The following FER variants were observed in gnomAD, a reference collection of about 807,000 sequenced individuals.
The protein encoded by FER is tyrosine-protein kinase Fer.
A neutral mutation model predicts 111.0 loss-of-function variants in FER; 63 were observed. The observed-to-expected ratio is 0.57, with a 90% CI of 0.46 to 0.70. The LOEUF is 0.70. Ranked by LOEUF, FER falls within the 30% of genes least tolerant of loss-of-function variation. The probability of loss-of-function intolerance (pLI) is 0.00; values close to 1 mark genes in which losing one functional copy is unlikely to be tolerated. For missense variants in FER, 914 were observed against 954.0 expected (o/e 0.96, Z 0.55); for synonymous variants, 327 against 313.9 (o/e 1.04, Z -0.44).
chr5:108,954,881 T>C lies in FER; in HGVS notation c.1482T>C (p.Leu494=), dbSNP rs1758235258. ...ESHGKPGEYV[L]SVYSDGQRRH... is the part of the protein sequence containing the mutation. ...ATGGGAAACCTGGTGAATATGTCCT[T>C]TCTGTATATTCTGATGGACAGAGGA... The change falls in exon 12 of 20, where the codon CTT becomes CTC. Residue 494 remains leucine (L), a synonymous_variant. Transcript: ENST00000281092. 6.2e-7 allele frequency: 1 copy of C among 1,611,120 alleles called. No individual in the cohort carries two copies. The highest frequency in any genetic ancestry group is 8.5e-7 in the Non-Finnish European group (1 of 1,178,884).
At chr5:109,172,827 G>T (rs1757286615) in intron 17 of FER, among the ~76,000 whole-genome samples, 1 of 151,980 alleles carries the variant, frequency 6.6e-6, no homozygotes. Context: ...TCACAATGTG[G>T]CCCACAGGTG....
At chr5:109,184,355 C>T (rs1182146599) in intron 18 of FER, among the ~76,000 whole-genome samples, 2 of 152,138 alleles carry the variant, frequency 1.3e-5, no homozygotes, top group African/African-American at 4.8e-5. Flanking sequence ...GACCTTTTCC[C>T]TATAGAGTAT....
At chr5:109,064,803 A>C (rs1774883056) in intron 16 of FER, among the ~76,000 whole-genome samples, 1 of 152,210 alleles carries the variant, frequency 6.6e-6, no homozygotes, top group Non-Finnish European at 1.5e-5. Context: ...TTGAAAGTGT[A>C]GGAGTTATGA....
intron 16 of FER, among the ~76,000 whole-genome samples, chr5:109,049,850 A>C (rs1388311488): frequency 6.6e-6 from 1 of 152,240 alleles, no homozygotes; most frequent in South Asian, 2.1e-4. Context: ...TATAGTTCAA[A>C]TAAATTAGTT....
At chr5:109,159,288 C>A (rs1755740462) in intron 17 of FER, among the ~76,000 whole-genome samples, 1 of 152,120 alleles carries the variant, frequency 6.6e-6, no homozygotes, top group South Asian at 2.1e-4. Context: ...CTTAGTCTTT[C>A]CTTCACAGAT....
intron 17 of FER, among the ~76,000 whole-genome samples, chr5:109,163,943 T>G (rs1053051854): frequency 2.0e-5 from 3 of 152,180 alleles, no homozygotes; most frequent in Non-Finnish European, 4.4e-5. Flanking sequence ...GCTAATAGAT[T>G]ATGAAAACAT....
chr5:108,921,959 T>C (rs1256192302), intron 10 of FER, among the ~76,000 whole-genome samples: 3 of 152,184 alleles, frequency 2.0e-5, no homozygotes, highest in Non-Finnish European at 4.4e-5. Context: ...GGGTCTGTAG[T>C]TGTAAACTAG....
chr5:109,146,955 G>T (rs1754288527), intron 17 of FER, among the ~76,000 whole-genome samples: 1 of 152,024 alleles, frequency 6.6e-6, no homozygotes, highest in Non-Finnish European at 1.5e-5. Flanking sequence ...ATATTTAAGA[G>T]ACAATGTATT....
At chr5:108,952,607 C>A (rs936832199) in intron 11 of FER, among the ~76,000 whole-genome samples, 4 of 138,656 alleles carry the variant, frequency 2.9e-5, no homozygotes, top group Admixed American at 6.8e-5. Context: ...ACTAAGAAGC[C>A]TATAGAATTG....
chr5:109,130,055 C>G (rs147554730), intron 17 of FER, among the ~76,000 whole-genome samples: 211 of 130,368 alleles, frequency 1.6e-3, no homozygotes, highest in Non-Finnish European at 2.8e-3. Flanking sequence ...AATACTTGTG[C>G]GTAGGTTTTT....
chr5:108,767,500 T>A (rs1412376742), intron 1 of FER, among the ~76,000 whole-genome samples: 2 of 152,138 alleles, frequency 1.3e-5, no homozygotes, highest in East Asian at 3.8e-4. Context: ...ACTTTTTCGG[T>A]TTTTGAGACA....
At chr5:108,788,019 C>T (rs569725541) in intron 2 of FER, among the ~76,000 whole-genome samples, 3 of 152,276 alleles carry the variant, frequency 2.0e-5, no homozygotes, top group East Asian at 1.9e-4. Flanking sequence ...CCAGTCACTA[C>T]GCTGCGTGCA....
chr5:108,930,727 C>A (rs72793918), intron 10 of FER, among the ~76,000 whole-genome samples: 18,434 of 148,172 alleles, frequency 0.12, 1,198 homozygotes, highest in Middle Eastern at 0.17. Context: ...GATTCTCCTG[C>A]CTTAGCTTTC....
At position 108,790,703 on chromosome 5, in the gene FER, A is replaced by G. The variant is rs552910513; in HGVS notation, c.-59-7421A>G. Among the ~76,000 whole-genome samples, 6 of 152,288 alleles carry G rather than the reference A, an allele frequency of 3.9e-5. No homozygotes were observed. The South Asian group carries it at 1.2e-3, about 32-fold the overall frequency. The stretch of plus-strand genomic sequence containing the variant: ...AGAATTCAGCCGTTGAAATTGTACA[A>G]TTTGTTTTTAGTACATTCACAGTTA... On this transcript the variant is annotated intron_variant, in intron 2 of 19. Transcript: ENST00000281092.
chr5:108,847,270 A>G (rs1174862648), intron 5 of FER, among the ~76,000 whole-genome samples: 1 of 150,198 alleles, frequency 6.7e-6, no homozygotes, highest in Middle Eastern at 3.2e-3. Flanking sequence ...TTTTTCTTTG[A>G]TTCATAGGTT....
chr5:108,983,286 A>G (rs1454620389), intron 13 of FER, among the ~76,000 whole-genome samples: 1 of 152,088 alleles, frequency 6.6e-6, no homozygotes, highest in Non-Finnish European at 1.5e-5. Flanking sequence ...TCTGACTAAG[A>G]TTTATACTTA....
intron 17 of FER, among the ~76,000 whole-genome samples, chr5:109,179,245 G>A (rs1305495970): frequency 1.3e-5 from 2 of 152,184 alleles, no homozygotes; most frequent in South Asian, 4.1e-4. Context: ...AGAACCCTTT[G>A]ACTAGAAGTG....
At chr5:108,863,242 C>G (rs552977466) in intron 5 of FER, among the ~76,000 whole-genome samples, 59 of 152,250 alleles carry the variant, frequency 3.9e-4, no homozygotes, top group African/African-American at 1.4e-3. Context: ...GCCTCAGCCT[C>G]CCGATTGGCT....
At chr5:109,128,212 C>G (rs1751962330) in intron 17 of FER, among the ~76,000 whole-genome samples, 1 of 151,644 alleles carries the variant, frequency 6.6e-6, no homozygotes, top group Non-Finnish European at 1.5e-5. Flanking sequence ...AGCATCATAC[C>G]TTTGTGAGAT....
Sources: gnomAD v4.1 joint callset for allele counts (sites outside exome capture counted in the v4.1 genomes callset) on GRCh38, gnomAD v4.1.1 for gene constraint, MANE v1.5 for transcripts, NCBI Gene and HGNC (gene_info 2026-07-23, HGNC 2026-07-21) for gene names.